The following ST6GAL1 variants were observed in gnomAD, a reference collection of about 807,000 sequenced individuals.
The protein encoded by ST6GAL1 is beta-galactoside alpha-2,6-sialyltransferase 1.
ST6GAL1 carries 20 observed loss-of-function variants against 38.0 expected under a neutral mutation model. The observed-to-expected ratio is 0.53, with a 90% CI of 0.37 to 0.77. The LOEUF (loss-of-function observed/expected upper bound fraction) is 0.77, where lower values mean the gene tolerates loss of function less well. Ranked by LOEUF, ST6GAL1 falls within the 30% of genes least tolerant of loss-of-function variation. The pLI, the probability that ST6GAL1 is intolerant of heterozygous loss-of-function variation, is 0.00. For synonymous variants in ST6GAL1, 196 were observed against 188.2 expected, an observed-to-expected ratio of 1.04 and a Z score of -0.34; for missense variants, 432 against 496.4, an observed-to-expected ratio of 0.87 and a Z score of 1.23.
At position 186,930,539 on chromosome 3, in the gene ST6GAL1, C is replaced by G. The variant is rs1228172299; in HGVS notation, c.-620C>G. 6.5e-6 allele frequency: 1 copy of G among 152,970 alleles called. No homozygotes were observed. Among genetic ancestry groups the G allele is most frequent in the African/African-American group, 2.4e-5 (1 of 41,492 alleles). The allele number at this position is 152,970 out of a possible 1,614,324, so 9.5% of individuals were successfully genotyped here. On this transcript the variant is annotated 5_prime_UTR_variant, in exon 1 of 8. Transcript: ENST00000169298. Reference sequence around the variant, plus strand: ...CCCCTCCGCCGCGCTCTTCTTCCTTCCTTCTCCAGTCCCTTCCACTGTGCG... The same window carrying G: ...CCCCTCCGCCGCGCTCTTCTTCCTTGCTTCTCCAGTCCCTTCCACTGTGCG...
intron 2 of ST6GAL1, among the ~76,000 whole-genome samples, chr3:186,972,459 A>G (rs1715382517): frequency 6.6e-6 from 1 of 152,042 alleles, no homozygotes; most frequent in Non-Finnish European, 1.5e-5. Flanking sequence ...CATGTTGACC[A>G]GGCTGGTCTC....
chr3:187,044,106 A>G (rs1718218255), intron 4 of ST6GAL1, among the ~76,000 whole-genome samples: 1 of 152,234 alleles, frequency 6.6e-6, no homozygotes, highest in South Asian at 2.1e-4. Context: ...GTGACCCAAA[A>G]AAGTTTCAGA....
At chr3:186,977,526 A>G (rs1212549480) in intron 2 of ST6GAL1, among the ~76,000 whole-genome samples, 1 of 152,194 alleles carries the variant, frequency 6.6e-6, no homozygotes, top group Non-Finnish European at 1.5e-5. Context: ...GCTCAGAGCT[A>G]CAAGGCCCAC....
Position 186,982,656 on chromosome 3 carries a change from A to G in ST6GAL1, c.-183+18730A>G, listed in dbSNP as rs143730654. Among the ~76,000 whole-genome samples, 299 of 152,110 alleles carry G rather than the reference A, an allele frequency of 2.0e-3. 1 individual carries two copies. The highest frequency in any genetic ancestry group is 6.9e-3 in the African/African-American group (287 of 41,524). ...CAGATATAATGGCATCACATCGTAA[A>G]TTGAAAAGTGTCTGTGTGTAATTCT... is the stretch of plus-strand genomic sequence containing the variant. On this transcript the variant is annotated intron_variant, in intron 2 of 7. Coordinates refer to ENST00000169298, the MANE Select transcript of ST6GAL1 (RefSeq NM_173216.2).
intron 4 of ST6GAL1, among the ~76,000 whole-genome samples, chr3:187,048,310 G>A (rs1378066270): frequency 6.6e-6 from 1 of 152,148 alleles, no homozygotes; most frequent in South Asian, 2.1e-4. Flanking sequence ...TGTATGATCT[G>A]GTTCCTGCCA....
intron 2 of ST6GAL1, among the ~76,000 whole-genome samples, chr3:186,999,603 G>A (rs1339763072): frequency 6.6e-6 from 1 of 151,834 alleles, no homozygotes; most frequent in African/African-American, 2.4e-5. Flanking sequence ...TAGAGATGGG[G>A]TTTCACCGTG....
intron 1 of ST6GAL1, among the ~76,000 whole-genome samples, chr3:186,954,201 T>C (rs547632959): frequency 6.6e-6 from 1 of 152,384 alleles, no homozygotes; most frequent in African/African-American, 2.4e-5. Context: ...GTGGTGTATA[T>C]GTACCACATT....
intron 1 of ST6GAL1, among the ~76,000 whole-genome samples, chr3:186,945,987 T>TAAAA (rs1579259140): frequency 9.7e-5 from 1 of 10,346 alleles, no homozygotes; most frequent in African/African-American, 1.9e-4. Flanking sequence ...CAAGACTCCG[T>TAAAA]CAAAAAAAAA....
rs1719537893 is a variant in ST6GAL1 at position 187,075,731 on chromosome 3, C to T, written c.1149C>T (p.Asn383=). ...AGAAGAATTTGGTGAAGCATCTCAA[C>T]CAGGGCACAGATGAGGACATCTACC... ...LYEKNLVKHL[N]QGTDEDIYLL... Residue 383 remains asparagine, a synonymous_variant, in exon 8 of 8, where the codon AAC becomes AAT. Transcript: ENST00000169298. The surrounding 1 kb of genome is among the most constrained non-coding windows in gnomAD (Gnocchi z 4.1). 6.2e-7 allele frequency: 1 copy of T among 1,614,248 alleles called. No individual in the cohort carries two copies. The highest frequency in any genetic ancestry group is 8.5e-7 in the Non-Finnish European group (1 of 1,180,042).
intron 1 of ST6GAL1, among the ~76,000 whole-genome samples, chr3:186,956,314 G>C (rs1185868958): frequency 6.6e-6 from 1 of 152,174 alleles, no homozygotes; most frequent in Non-Finnish European, 1.5e-5. Context: ...GGCAAAACCT[G>C]ATTTGGACTG....
At chr3:187,073,051 A>G in intron 6 of ST6GAL1, 104 bp downstream of exon 6, 1 of 881,682 alleles carries the variant, frequency 1.1e-6, no homozygotes, top group South Asian at 1.5e-5. Flanking sequence ...GGCTATTCCT[A>G]AAGGCTGGGT....
intron 5 of ST6GAL1, among the ~76,000 whole-genome samples, chr3:187,057,357 G>A (rs6800443): frequency 0.1 from 15,163 of 152,198 alleles, 2,530 homozygotes; most frequent in African/African-American, 0.34. Flanking sequence ...CTGGCGAGGA[G>A]CTGCGATCCT....
intron 1 of ST6GAL1, among the ~76,000 whole-genome samples, chr3:186,945,863 C>T (rs112082101): frequency 0.08 from 12,138 of 151,296 alleles, 1,642 homozygotes; most frequent in African/African-American, 0.28. Flanking sequence ...TGGTGGTGGG[C>T]ACCTGCAGTC....
chr3:186,937,679 A>T (rs537122627), intron 1 of ST6GAL1, among the ~76,000 whole-genome samples: 1 of 152,326 alleles, frequency 6.6e-6, no homozygotes, highest in African/African-American at 2.4e-5. Context: ...GGAGGGAGTC[A>T]CCAATGACTG....
chr3:187,072,546 C>G (rs537944661), intron 5 of ST6GAL1: 1 of 369,274 alleles, frequency 2.7e-6, no homozygotes, highest in African/African-American at 2.1e-5. Flanking sequence ...AGCTGTGACT[C>G]CAGGAGGCTG....
chr3:187,025,089 C>A (rs74925087), intron 2 of ST6GAL1, among the ~76,000 whole-genome samples: 1 of 150,980 alleles, frequency 6.6e-6, no homozygotes, highest in African/African-American at 2.4e-5. Flanking sequence ...AGGGGTGGTA[C>A]GATTCTGCCA....
chr3:187,044,380 G>C (rs1444056498), intron 4 of ST6GAL1, among the ~76,000 whole-genome samples: 1 of 152,138 alleles, frequency 6.6e-6, no homozygotes, highest in Non-Finnish European at 1.5e-5. Context: ...AGGAAAAATG[G>C]TCTGAAACCC....
intron 2 of ST6GAL1, among the ~76,000 whole-genome samples, chr3:186,976,710 A>T (rs1298968043): frequency 2.0e-5 from 3 of 152,210 alleles, no homozygotes; most frequent in Admixed American, 2.0e-4. Context: ...GATTACAGGC[A>T]TGAGCCACTG....
At chr3:186,939,154 GTC>G (rs989803686) in intron 1 of ST6GAL1, among the ~76,000 whole-genome samples, 5 of 150,794 alleles carry the variant, frequency 3.3e-5, no homozygotes, top group African/African-American at 7.3e-5. Flanking sequence ...ACTTGCTGCA[GTC>G]TCTGACCTCC....
Sources: gnomAD v4.1 joint callset for allele counts (sites outside exome capture counted in the v4.1 genomes callset) on GRCh38, gnomAD v4.1.1 for gene constraint, Gnocchi (gnomAD v3.1) non-coding constraint, MANE v1.5 for transcripts, NCBI Gene and HGNC (gene_info 2026-07-23, HGNC 2026-07-21) for gene names.